The following NUP188 variants were observed in gnomAD, a reference collection of about 807,000 sequenced individuals.
NUP188 encodes the protein nucleoporin 188, also known as nucleoporin NUP188.
NUP188 carries 97 observed loss-of-function variants against 223.0 expected under a neutral mutation model. That is an observed-to-expected ratio of 0.43 (90% confidence interval 0.37 to 0.51). NUP188 has a LOEUF of 0.51. NUP188 is among the 20% of genes least tolerant of loss of function. The probability of loss-of-function intolerance (pLI) is 0.00; values close to 1 mark genes in which losing one functional copy is unlikely to be tolerated. For synonymous variants in NUP188, 869 were observed against 828.0 expected (o/e 1.05, Z -0.85); for missense variants, 1,947 against 2,175.6 (o/e 0.89, Z 2.09).
chr9:129,005,491 C>T lies in NUP188; in HGVS notation c.4698C>T (p.Arg1566=). 6.2e-7 allele frequency: 1 copy of T among 1,606,000 alleles called. No homozygotes were observed. The highest frequency in any genetic ancestry group is 8.5e-7 in the Non-Finnish European group (1 of 1,179,992). The part of the protein sequence containing the change: ...KILSKTLAAL[R]HFTPDVCQIL... ...TCAGCAAGACGCTGGCAGCCCTGCG[C>T]CACTTCACCCCAGATGTCTGCCAGA... Residue 1566 remains arginine (R), a synonymous_variant, in exon 40 of 44, where the codon CGC becomes CGT. Transcript: ENST00000372577.
At chr9:128,967,516 C>T (rs1054371865) in intron 8 of NUP188, among the ~76,000 whole-genome samples, 2 of 152,000 alleles carry the variant, frequency 1.3e-5, no homozygotes, top group Admixed American at 6.6e-5. Flanking sequence ...ATTGGCTGGG[C>T]GCGGTGGCTC....
chr9:129,006,485 C>A lies in NUP188; in HGVS notation c.5074-17C>A, dbSNP rs1842810723. ...CCAGATGTGCTGAGCCTCACCAAGC[C>A]ACTTTTTTTCTTGTAGAGCACGCTG... On this transcript the variant is annotated splice_polypyrimidine_tract_variant and intron_variant, in intron 43 of 43. Transcript: ENST00000372577. 6.2e-7 allele frequency: 1 copy of A among 1,611,652 alleles called. No homozygotes were observed. Among genetic ancestry groups the A allele is most frequent in the South Asian group, 1.1e-5 (1 of 90,828 alleles).
In NUP188 at chr9:129,006,227, G is replaced by C. The variant is rs369939394; in HGVS notation, c.4944-12G>C. The stretch of plus-strand genomic sequence containing the variant: ...CTCTGCAGCAGTACCAAAAACCTGT[G>C]TCTCCTCCCAGGTCCCTCCTGATGT... On this transcript the variant is annotated splice_polypyrimidine_tract_variant and intron_variant, in intron 42 of 43. Coordinates refer to ENST00000372577, the MANE Select transcript of NUP188 (RefSeq NM_015354.3). The C allele has an allele frequency of 4.3e-6, 7 of 1,614,044 alleles. No individual in the cohort carries two copies. The African/African-American group carries it at 6.7e-5, about 15-fold the overall frequency.
At chr9:128,999,849 G>T (rs759477876) in intron 34 of NUP188, 44 bp downstream of exon 34, 2 of 1,575,162 alleles carry the variant, frequency 1.3e-6, no homozygotes, top group Non-Finnish European at 1.7e-6. Context: ...TCCACTGCCC[G>T]CCAGCTCTGT....
chr9:128,991,162 C>CTTTT (rs78549616), intron 25 of NUP188, among the ~76,000 whole-genome samples: 1 of 123,476 alleles, frequency 8.1e-6, no homozygotes, highest in Non-Finnish European at 1.7e-5. Context: ...CTCCAGATTT[C>CTTTT]TTTTTTTTTT....
chr9:128,991,162 CTTTTTT>C (rs78549616), intron 25 of NUP188, among the ~76,000 whole-genome samples: 9 of 123,444 alleles, frequency 7.3e-5, no homozygotes, highest in Admixed American at 5.0e-4. Flanking sequence ...CTCCAGATTT[CTTTTTT>C]TTTTTTTTTT....
rs1842096070 is a variant in NUP188 at position 128,970,873 on chromosome 9, G to A, written c.1028G>A (p.Arg343Gln). Residue 343 changes from arginine to glutamine, a missense_variant, in exon 11 of 44, where the codon CGG becomes CAG. Arg to Gln is a conservative substitution (Grantham distance 43, BLOSUM62 1). Transcript: ENST00000372577. ...LNPEETSSVV[R>Q]KIGGTAIQLN... Reference sequence around the variant, plus strand: ...CCAGAAGAGACAAGCAGTGTGGTCCGGAAGATAGGTGGCACAGCCATCCAG... The same window carrying A: ...CCAGAAGAGACAAGCAGTGTGGTCCAGAAGATAGGTGGCACAGCCATCCAG... 3 of 1,614,108 alleles carry A rather than the reference G, an allele frequency of 1.9e-6. No homozygotes were observed. Among genetic ancestry groups the A allele is most frequent in the Non-Finnish European group, 8.5e-7 (1 of 1,180,014 alleles).
At position 129,005,728 on chromosome 9, in the gene NUP188, C is replaced by T. The variant is rs755350781; in HGVS notation, c.4821C>T (p.Phe1607=). ...TTGACTCCGAAGTGGCCCCCTCCTT[C>T]GGGACCCTTCTGGCCACAGTGAATG... ...PTFDSEVAPS[F]GTLLATVNVA... Residue 1607 remains phenylalanine, a synonymous_variant, in exon 41 of 44, where the codon TTC becomes TTT. Coordinates refer to ENST00000372577, the MANE Select transcript of NUP188 (RefSeq NM_015354.3). 8.7e-6 allele frequency: 14 copies of T among 1,614,016 alleles called. No homozygotes were observed. The South Asian group carries it at 9.9e-5, about 11-fold the overall frequency.
chr9:128,952,844 C>T lies in NUP188; in HGVS notation c.159C>T (p.Pro53=), dbSNP rs1841813101. ...AGGGGCTTTCTTACTACAAACCTCC[C>T]AGGTATGGCAGTTCCGGGTGTCTGG... ...LLEGLSYYKP[P]SPSSAEKVKA... Residue 53 remains proline (P), a splice_region_variant and synonymous_variant, in exon 3 of 44, where the codon CCC becomes CCT. Coordinates refer to ENST00000372577, the MANE Select transcript of NUP188 (RefSeq NM_015354.3). 5.6e-6 allele frequency: 9 copies of T among 1,612,090 alleles called. No individual in the cohort carries two copies. The highest frequency in any genetic ancestry group is 6.8e-6 in the Non-Finnish European group (8 of 1,178,282).
chr9:128,967,790 C>CAA (rs753211464), intron 8 of NUP188, among the ~76,000 whole-genome samples: 2 of 124,946 alleles, frequency 1.6e-5, no homozygotes, highest in Admixed American at 8.2e-5. Context: ...GACTTCGTCT[C>CAA]AAAAAAAAAA....
At chr9:128,983,143 G>A (rs1842281417) in intron 17 of NUP188, 115 bp downstream of exon 17, 2 of 1,471,728 alleles carry the variant, frequency 1.4e-6, no homozygotes, top group African/African-American at 2.8e-5. Context: ...CATATTCCTT[G>A]GTTTTCCTGT....
At chr9:129,001,272 G>A (rs1210920520) in intron 34 of NUP188, among the ~76,000 whole-genome samples, 1 of 152,088 alleles carries the variant, frequency 6.6e-6, no homozygotes, top group Admixed American at 6.5e-5. Flanking sequence ...CAGTGTGGGA[G>A]GTGGGAGGGA....
In NUP188 at chr9:128,983,554, A is replaced by G. The variant is rs1478362946; in HGVS notation, c.1961+4A>G. 1 of 1,611,492 alleles carries G rather than the reference A, an allele frequency of 6.2e-7. No individual in the cohort carries two copies. Among genetic ancestry groups the G allele is most frequent in the Non-Finnish European group, 8.5e-7 (1 of 1,177,798 alleles). On this transcript the variant is annotated splice_donor_region_variant and intron_variant, in intron 19 of 43. Coordinates refer to ENST00000372577, the MANE Select transcript of NUP188 (RefSeq NM_015354.3). ...CCAGCCTGAGTCAGATGATTAGGTG[A>G]GCCAAGTCCTAGGGTGGTGGGCCAT...
chr9:128,975,199 T>A (rs934611809), intron 12 of NUP188, among the ~76,000 whole-genome samples: 47 of 151,870 alleles, frequency 3.1e-4, no homozygotes, highest in Non-Finnish European at 4.1e-4. Flanking sequence ...CTTTTTAAAT[T>A]TAATTAATTA....
At chr9:128,986,926 G>T in intron 22 of NUP188, 51 bp downstream of exon 22, 1 of 1,534,262 alleles carries the variant, frequency 6.5e-7, no homozygotes, top group Non-Finnish European at 9.0e-7. Flanking sequence ...GCAAGACACG[G>T]GCTTTTGCTG....
intron 24 of NUP188, 42 bp downstream of exon 24, chr9:128,988,228 C>T (rs775174710): frequency 2.5e-6 from 4 of 1,605,492 alleles, no homozygotes; most frequent in South Asian, 1.1e-5. Context: ...ATGTATTTCT[C>T]TTCCAGTCAT....
intron 8 of NUP188, among the ~76,000 whole-genome samples, chr9:128,961,847 C>T (rs1441053006): frequency 6.6e-6 from 1 of 151,622 alleles, no homozygotes; most frequent in Admixed American, 6.6e-5. Flanking sequence ...TCTAGAACTC[C>T]CGACCTCAGG....
At position 128,998,146 on chromosome 9, in the gene NUP188, T is replaced by G. The variant is rs1347495119; in HGVS notation, c.3352-5T>G. The G allele has an allele frequency of 6.2e-7, 1 of 1,612,436 alleles. No homozygotes were observed. Among genetic ancestry groups the G allele is most frequent in the Middle Eastern group, 1.7e-4 (1 of 6,058 alleles). On this transcript the variant is annotated splice_region_variant and splice_polypyrimidine_tract_variant and intron_variant, in intron 30 of 43. Coordinates refer to ENST00000372577, the MANE Select transcript of NUP188 (RefSeq NM_015354.3). Reference sequence around the variant, plus strand: ...CAGCTGAAACCTTTTTCTGTTCCTTTGCAGGCAGATATAATGCACCTGACT... The same window carrying G: ...CAGCTGAAACCTTTTTCTGTTCCTTGGCAGGCAGATATAATGCACCTGACT...
intron 8 of NUP188, among the ~76,000 whole-genome samples, chr9:128,959,472 C>T (rs952669947): frequency 6.6e-6 from 1 of 151,028 alleles, no homozygotes; most frequent in Non-Finnish European, 1.5e-5. Context: ...TATACCCTTG[C>T]TTATAGAGCT....
Sources: allele counts gnomAD v4.1 joint callset (sites outside exome capture counted in the v4.1 genomes callset), GRCh38; gene constraint gnomAD v4.1.1; transcripts MANE v1.5; gene names NCBI Gene and HGNC (gene_info 2026-07-23, HGNC 2026-07-21).